Variants in DNAH12 observed in about 807,000 individuals in gnomAD.
The protein encoded by DNAH12 is dynein axonemal heavy chain 12.
In DNAH12, 285 loss-of-function variants were observed where a neutral mutation model predicts 371.5. That is an observed-to-expected ratio of 0.77 (90% CI 0.70 to 0.85). DNAH12 has a LOEUF of 0.85. DNAH12 is among the 40% of genes least tolerant of loss of function. The pLI is 0.00. For synonymous variants in DNAH12, 1,200 were observed against 1,213.0 expected, an observed-to-expected ratio of 0.99 and a Z score of 0.22; for missense variants, 3,611 against 3,689.4, an observed-to-expected ratio of 0.98 and a Z score of 0.55.
At chr3:57,356,438 G>A (rs956109431) in intron 59 of DNAH12, among the ~76,000 whole-genome samples, 1 of 132,242 alleles carries the variant, frequency 7.6e-6, no homozygotes, top group African/African-American at 2.8e-5. Flanking sequence ...GTGAGACCTT[G>A]TCTCAAAAAT....
chr3:57,436,082 A>T (rs2065113991), intron 30 of DNAH12, among the ~76,000 whole-genome samples: 1 of 150,780 alleles, frequency 6.6e-6, no homozygotes, highest in African/African-American at 2.4e-5. Flanking sequence ...ACTAAGGCCC[A>T]AGAAGAAGAA....
chr3:57,412,058 G>C (rs570119227), intron 39 of DNAH12, among the ~76,000 whole-genome samples: 1 of 152,250 alleles, frequency 6.6e-6, no homozygotes, highest in African/African-American at 2.4e-5. Flanking sequence ...AAGGAGCAAA[G>C]GCAATATTAT....
Position 57,520,054 on chromosome 3 carries a change from C to CTCCA in DNAH12, c.279+3528_279+3529insTGGA, listed in dbSNP as rs2068357344. On this transcript the variant is annotated intron_variant, in intron 4 of 73. Transcript: ENST00000495027. ...ATGGCCGACGTTGGGTTGGGGAAAG[C>CTCCA]CGGAGGCTGTGGCGGCTCTGTGGCT... 20 of 593,612 alleles carry CTCCA rather than the reference C, an allele frequency of 3.4e-5. No homozygotes were observed. The South Asian group carries it at 3.8e-4, about 11-fold the overall frequency. 36.8% of individuals were successfully genotyped at this position (593,612 alleles called of 1,614,324 possible). A position where few individuals can be genotyped will look rare whatever the true frequency, so the allele number is the denominator to read the frequency against.
At chr3:57,321,002 G>A (rs562974328) in intron 65 of DNAH12, among the ~76,000 whole-genome samples, 16 of 152,250 alleles carry the variant, frequency 1.1e-4, no homozygotes, top group African/African-American at 1.7e-4. Context: ...CGGTGCCAGC[G>A]TAGCTTGCTC....
At chr3:57,414,649 A>C (rs1369651547) in intron 38 of DNAH12, among the ~76,000 whole-genome samples, 2 of 152,218 alleles carry the variant, frequency 1.3e-5, no homozygotes, top group Non-Finnish European at 2.9e-5. Flanking sequence ...TAAATGCATT[A>C]ATCTTTACAT....
At chr3:57,493,680 G>C (rs888262373) in intron 11 of DNAH12, 1 of 151,384 alleles carries the variant, frequency 6.6e-6, no homozygotes, top group Non-Finnish European at 1.5e-5. Flanking sequence ...TGGTGTAAAG[G>C]TAGTGAGTTA....
At chr3:57,541,078 C>T (rs1046459924) in intron 2 of DNAH12, among the ~76,000 whole-genome samples, 3 of 147,854 alleles carry the variant, frequency 2.0e-5, no homozygotes, top group Admixed American at 1.4e-4. Context: ...CTCGTTTTGT[C>T]ACCCAGGCTG....
chr3:57,438,840 CT>C (rs1380462789), intron 29 of DNAH12, among the ~76,000 whole-genome samples: 2 of 139,690 alleles, frequency 1.4e-5, no homozygotes, highest in African/African-American at 5.2e-5. Flanking sequence ...GTAATCCCAG[CT>C]ACTTGGGAGG....
intron 11 of DNAH12, among the ~76,000 whole-genome samples, chr3:57,498,826 C>T (rs1433899447): frequency 6.6e-6 from 1 of 151,958 alleles, no homozygotes; most frequent in Non-Finnish European, 1.5e-5. Context: ...GGTGAAACCC[C>T]ATCTCTACTA....
intron 4 of DNAH12, among the ~76,000 whole-genome samples, chr3:57,516,887 CA>C (rs2068220021): frequency 6.6e-6 from 1 of 152,116 alleles, no homozygotes; most frequent in African/African-American, 2.4e-5. Context: ...GAGTAAAATC[CA>C]AGCAACTTAT....
At chr3:57,357,106 C>G (rs1265332397) in intron 59 of DNAH12, 70 bp downstream of exon 59, 1 of 151,972 alleles carries the variant, frequency 6.6e-6, no homozygotes, top group Non-Finnish European at 1.5e-5. Flanking sequence ...AAAAAAGTTA[C>G]ATTTTTTTAA....
At chr3:57,545,310 A>T (rs1382939353), upstream of DNAH12, among the ~76,000 whole-genome samples, 5 of 147,816 alleles carry the variant, frequency 3.4e-5, no homozygotes, top group Non-Finnish European at 4.5e-5. Context: ...AACCCGACTA[A>T]TTTTTTTTCT....
At chr3:57,415,846 T>G (rs1377017976) in intron 37 of DNAH12, among the ~76,000 whole-genome samples, 23 of 150,042 alleles carry the variant, frequency 1.5e-4, no homozygotes, top group African/African-American at 5.6e-4. Context: ...TGGAGGGCAG[T>G]GACGTGATCT....
At position 57,323,614 on chromosome 3, in the gene DNAH12, G is replaced by A; in HGVS notation, c.9984C>T (p.Thr3328=). 6.5e-7 allele frequency: 1 copy of A among 1,538,462 alleles called. No individual in the cohort carries two copies. The highest frequency in any genetic ancestry group is 8.7e-7 in the Non-Finnish European group (1 of 1,142,984). The change falls in exon 63 of 74, where the codon ACC becomes ACT. Residue 3328 remains threonine, a synonymous_variant. Coordinates refer to ENST00000495027, the MANE Select transcript of DNAH12 (RefSeq NM_001366028.2). ...CAGTTACATAGTTTGTTATAGCTGG[G>A]GTTATCTGTTGAAGAGAAAAGATAT... ...ILRCLRPDKI[T]PAITNYVTDK... is the part of the protein sequence containing the mutation.
chr3:57,518,704 A>C (rs2068297875), intron 4 of DNAH12, among the ~76,000 whole-genome samples: 2 of 152,320 alleles, frequency 1.3e-5, no homozygotes, highest in South Asian at 4.1e-4. Context: ...AAGGGGAACA[A>C]GAAGTTCAGA....
At chr3:57,535,969 T>A (rs1465464377) in intron 2 of DNAH12, among the ~76,000 whole-genome samples, 5 of 152,024 alleles carry the variant, frequency 3.3e-5, no homozygotes, top group African/African-American at 1.2e-4. Flanking sequence ...CCTGAGTCGC[T>A]GGGATTATAG....
rs1035066241 is a variant in DNAH12 at position 57,362,742 on chromosome 3, A to C, written c.9360+852T>G. Among the ~76,000 whole-genome samples the C allele has an allele frequency of 3.3e-5, 5 of 152,098 alleles. No individual in the cohort carries two copies. In the South Asian group the frequency reaches 6.2e-4, roughly 19 times the overall value. On this transcript the variant is annotated intron_variant, in intron 58 of 73. Transcript: ENST00000495027. ...TCATTTTTTTCTTGTAAATTTGTTT[A>C]AGTTCTTTGTAGATTCTGGATATTA... is the stretch of plus-strand genomic sequence containing the variant.
At chr3:57,546,902 C>T (rs1055787907), upstream of DNAH12, among the ~76,000 whole-genome samples, 6 of 152,042 alleles carry the variant, frequency 3.9e-5, no homozygotes, top group Non-Finnish European at 8.8e-5. Context: ...AATCCCAGCA[C>T]CTTAGGAGGC....
At chr3:57,526,261 T>C (rs2068642068) in intron 2 of DNAH12, among the ~76,000 whole-genome samples, 1 of 152,214 alleles carries the variant, frequency 6.6e-6, no homozygotes, top group Non-Finnish European at 1.5e-5. Context: ...AATGTTTGTC[T>C]TTCTGTGCCT....
Sources: allele counts gnomAD v4.1 joint callset (sites outside exome capture counted in the v4.1 genomes callset), GRCh38; gene constraint gnomAD v4.1.1; transcripts MANE v1.5; gene names NCBI Gene and HGNC (gene_info 2026-07-23, HGNC 2026-07-21).